The following TNPO3 variants were observed in gnomAD, a reference collection of about 807,000 sequenced individuals.
The protein encoded by TNPO3 is transportin 3, also known as transportin-3.
A neutral mutation model predicts 122.8 loss-of-function variants in TNPO3; 65 were observed. The ratio of observed to expected loss-of-function variants is 0.53; its 90% CI spans 0.43 to 0.65. The LOEUF (loss-of-function observed/expected upper bound fraction) is 0.65. TNPO3 is among the 30% of genes least tolerant of loss of function. The pLI, the probability that TNPO3 is intolerant of heterozygous loss-of-function variation, is 0.00. For missense variants in TNPO3, 850 were observed against 1,136.7 expected (o/e 0.75, Z 3.63); for synonymous variants, 372 against 411.2 (o/e 0.90, Z 1.15).
chr7:128,986,055 T>C (rs138575952), intron 12 of TNPO3, among the ~76,000 whole-genome samples: 32 of 152,358 alleles, frequency 2.1e-4, no homozygotes, highest in Non-Finnish European at 4.1e-4. Flanking sequence ...TATGGTTAAG[T>C]GTTTTCTTCC....
chr7:129,002,187 C>T (rs548179394), intron 5 of TNPO3, among the ~76,000 whole-genome samples: 2 of 152,258 alleles, frequency 1.3e-5, no homozygotes, highest in African/African-American at 2.4e-5. Context: ...CAATCAAGAT[C>T]GAAAGCAAAA....
chr7:129,037,570 C>G (rs1425990911), intron 1 of TNPO3, among the ~76,000 whole-genome samples: 3 of 152,158 alleles, frequency 2.0e-5, no homozygotes, highest in Non-Finnish European at 4.4e-5. Context: ...AGACCAGATA[C>G]TCAAGAGAAA....
At chr7:129,006,644 A>G (rs977970384) in intron 4 of TNPO3, among the ~76,000 whole-genome samples, 1 of 152,206 alleles carries the variant, frequency 6.6e-6, no homozygotes, top group Non-Finnish European at 1.5e-5. Flanking sequence ...TGGGGGTGAA[A>G]TCCCATAATG....
chr7:129,018,179 A>G, intron 1 of TNPO3, 22 bp from the exon 2 acceptor site: 2 of 1,611,496 alleles, frequency 1.2e-6, no homozygotes, highest in South Asian at 2.2e-5. Context: ...TTAGACAAAG[A>G]TGTCTTAAAG....
chr7:129,015,239 C>A, intron 3 of TNPO3, 104 bp from the exon 4 acceptor site: 1 of 1,162,530 alleles, frequency 8.6e-7, no homozygotes, highest in Non-Finnish European at 1.2e-6. Context: ...AGCAACATTC[C>A]CACCACTGTT....
At chr7:129,011,321 T>C (rs1803163329) in intron 4 of TNPO3, among the ~76,000 whole-genome samples, 1 of 152,160 alleles carries the variant, frequency 6.6e-6, no homozygotes, top group South Asian at 2.1e-4. Flanking sequence ...AGATTGGATA[T>C]TCTTTGTAAA....
chr7:129,021,078 G>A (rs28711211), intron 1 of TNPO3, among the ~76,000 whole-genome samples: 73,726 of 151,794 alleles, frequency 0.49, 18,109 homozygotes, highest in African/African-American at 0.5. Flanking sequence ...AGGTTTGGCC[G>A]GGCGCGGTGG....
chr7:128,955,448 C>A, intron 22 of TNPO3, 63 bp from the exon 23 acceptor site: 1 of 409,608 alleles, frequency 2.4e-6, no homozygotes, highest in South Asian at 1.7e-5. Flanking sequence ...GTAAAATCAA[C>A]CTTAAGGCAG....
intron 16 of TNPO3, among the ~76,000 whole-genome samples, chr7:128,978,039 G>T (rs1227711860): frequency 6.6e-6 from 1 of 151,528 alleles, no homozygotes; most frequent in Non-Finnish European, 1.5e-5. Context: ...CTCACAGCAT[G>T]GGTACAAAAT....
chr7:129,019,939 T>C (rs1475154786), intron 1 of TNPO3, among the ~76,000 whole-genome samples: 1 of 151,664 alleles, frequency 6.6e-6, no homozygotes, highest in East Asian at 1.9e-4. Context: ...GAGGTTGCAG[T>C]GAGCCGAGAT....
intron 8 of TNPO3, 75 bp from the exon 9 acceptor site, chr7:128,993,989 A>G (rs947680657): frequency 1.6e-5 from 22 of 1,350,356 alleles, no homozygotes; most frequent in Non-Finnish European, 2.1e-5. Flanking sequence ...ATCAAGAAGA[A>G]GAAAAAAACC....
At chr7:129,022,126 T>C (rs909357684) in intron 1 of TNPO3, among the ~76,000 whole-genome samples, 1 of 152,198 alleles carries the variant, frequency 6.6e-6, no homozygotes, top group Non-Finnish European at 1.5e-5. Context: ...AGTTTACGCC[T>C]GTAATCCCAG....
At chr7:128,967,110 A>T (rs146768834) in intron 21 of TNPO3, among the ~76,000 whole-genome samples, 170 bp downstream of exon 21, 22 of 152,394 alleles carry the variant, frequency 1.4e-4, no homozygotes, top group South Asian at 2.1e-4. Context: ...ATATGTACAT[A>T]CATACACAGC....
intron 4 of TNPO3, among the ~76,000 whole-genome samples, chr7:129,009,352 T>C (rs1432635877): frequency 2.0e-5 from 3 of 151,898 alleles, no homozygotes; most frequent in East Asian, 1.9e-4. Flanking sequence ...TAAAGGAGAG[T>C]GTGCAGGAAA....
At chr7:128,984,306 G>A in intron 12 of TNPO3, 47 bp from the exon 13 acceptor site, 1 of 1,423,630 alleles carries the variant, frequency 7.0e-7, no homozygotes, top group Non-Finnish European at 9.8e-7. Flanking sequence ...GCTGAATTGA[G>A]GTAACTTAAC....
At chr7:128,979,849 A>C (rs187573039) in intron 15 of TNPO3, 122 bp downstream of exon 15, 55 of 860,766 alleles carry the variant, frequency 6.4e-5, no homozygotes, top group Non-Finnish European at 6.6e-5. Flanking sequence ...CATTGAAACC[A>C]CATCAACAAA....
chr7:129,051,472 A>G (rs1411879508), intron 1 of TNPO3, among the ~76,000 whole-genome samples: 1 of 150,608 alleles, frequency 6.6e-6, no homozygotes, highest in East Asian at 2.0e-4. Context: ...AGTAGCTGGG[A>G]CTATAGGCAA....
chr7:129,045,032 A>G (rs1247648673), intron 1 of TNPO3, among the ~76,000 whole-genome samples: 2 of 152,196 alleles, frequency 1.3e-5, no homozygotes, highest in African/African-American at 4.8e-5. Flanking sequence ...AAAGGAAGGA[A>G]TTTCTGACAA....
chr7:128,977,610 T>A (rs2129002073), intron 16 of TNPO3, among the ~76,000 whole-genome samples: 1 of 151,546 alleles, frequency 6.6e-6, no homozygotes, highest in East Asian at 1.9e-4. Flanking sequence ...TTTTTTTTTT[T>A]TTTTGAGATG....
Sources: allele counts gnomAD v4.1 joint callset (sites outside exome capture counted in the v4.1 genomes callset), GRCh38; gene constraint gnomAD v4.1.1; transcripts MANE v1.5; gene names NCBI Gene and HGNC (gene_info 2026-07-23, HGNC 2026-07-21).